PALLD: variants seen among roughly 807,000 people sequenced by gnomAD.
The protein encoded by PALLD is palladin, cytoskeletal associated protein, also known as palladin.
PALLD carries 61 observed loss-of-function variants against 123.5 expected under a neutral mutation model. The ratio of observed to expected loss-of-function variants is 0.49; its 90% confidence interval spans 0.40 to 0.61. The LOEUF (loss-of-function observed/expected upper bound fraction) is 0.61, where lower values mean the gene tolerates loss of function less well. Among genes scored for constraint, PALLD ranks in the 20% least tolerant of loss-of-function variants. The pLI is 0.00. For synonymous variants in PALLD, 465 were observed against 496.4 expected, an observed-to-expected ratio of 0.94 and a Z score of 0.84; for missense variants, 1,273 against 1,377.0, an observed-to-expected ratio of 0.92 and a Z score of 1.20.
intron 10 of PALLD, among the ~76,000 whole-genome samples, chr4:168,830,013 C>T (rs936882897): frequency 6.6e-6 from 1 of 152,130 alleles, no homozygotes; most frequent in African/African-American, 2.4e-5. Context: ...AGGCGGATCA[C>T]TTGAGGTCAG....
At chr4:168,768,833 C>G (rs1734029605) in intron 10 of PALLD, among the ~76,000 whole-genome samples, 1 of 151,256 alleles carries the variant, frequency 6.6e-6, no homozygotes, top group Non-Finnish European at 1.5e-5. Context: ...CCACCATGCC[C>G]AGCTAATTTT....
chr4:168,657,744 CT>C (rs1343272573), intron 2 of PALLD, among the ~76,000 whole-genome samples: 25 of 152,162 alleles, frequency 1.6e-4, no homozygotes, highest in African/African-American at 2.2e-4. Context: ...TCCACCTTCC[CT>C]TTTCTTTGCC....
At chr4:168,861,109 C>A (rs1481059324) in intron 10 of PALLD, among the ~76,000 whole-genome samples, 1 of 152,038 alleles carries the variant, frequency 6.6e-6, no homozygotes, top group African/African-American at 2.4e-5. Flanking sequence ...TTGTTTTAGC[C>A]AAGGCAAACG....
chr4:168,684,065 A>AT (rs1781798298), intron 5 of PALLD, among the ~76,000 whole-genome samples: 1 of 152,142 alleles, frequency 6.6e-6, no homozygotes, highest in Non-Finnish European at 1.5e-5. Flanking sequence ...ATCAGTGGGC[A>AT]TTTTTTGGTA....
intron 7 of PALLD, among the ~76,000 whole-genome samples, 192 bp downstream of exon 7, chr4:168,690,936 A>G (rs906244226): frequency 6.6e-6 from 1 of 152,210 alleles, no homozygotes; most frequent in Admixed American, 6.5e-5. Flanking sequence ...TGAAAGTCAT[A>G]TATTCTTTCG....
chr4:168,520,069 G>C (rs563987427), intron 2 of PALLD, among the ~76,000 whole-genome samples: 2 of 152,030 alleles, frequency 1.3e-5, no homozygotes, highest in East Asian at 1.9e-4. Flanking sequence ...GCTCATGCCT[G>C]TAATCCCAGC....
chr4:168,534,980 T>C (rs1471190456), intron 2 of PALLD, among the ~76,000 whole-genome samples: 1 of 152,242 alleles, frequency 6.6e-6, no homozygotes, highest in Non-Finnish European at 1.5e-5. Flanking sequence ...ATGGTGTCTG[T>C]ACTGAACATT....
intron 10 of PALLD, among the ~76,000 whole-genome samples, chr4:168,748,467 G>A (rs1486877597): frequency 3.3e-5 from 5 of 152,326 alleles, no homozygotes; most frequent in African/African-American, 1.2e-4. Context: ...TAAAAGCTTA[G>A]TTGACTTCTA....
In PALLD at chr4:168,869,495, G is replaced by A. The variant is rs1023326215; in HGVS notation, c.1965-21427G>A. Among the ~76,000 whole-genome samples, 2 of 152,066 alleles carry A rather than the reference G, an allele frequency of 1.3e-5. No individual in the cohort carries two copies. The highest frequency in any genetic ancestry group is 1.3e-4 in the Admixed American group (2 of 15,254). ...ACAGTGGATGGAGAGAAGTTGGTGG[G>A]GGTGGCCCTCCAAAAGAGAGCAGTG... On this transcript the variant is annotated intron_variant, in intron 10 of 21. Transcript: ENST00000505667. This position sits in a 1 kb window ranked among gnomAD's most constrained non-coding sequence, Gnocchi z 4.5.
At chr4:168,659,048 A>G (rs1412353495) in intron 2 of PALLD, among the ~76,000 whole-genome samples, 1 of 152,230 alleles carries the variant, frequency 6.6e-6, no homozygotes, top group Non-Finnish European at 1.5e-5. Context: ...GGTTAATGTG[A>G]ACACATGTAA....
chr4:168,864,964 A>AT (rs1750052277), intron 10 of PALLD, among the ~76,000 whole-genome samples: 2 of 152,030 alleles, frequency 1.3e-5, no homozygotes, highest in Non-Finnish European at 2.9e-5. Context: ...AATTTCTCTC[A>AT]TTTTTTCCTT....
At chr4:168,690,357 C>G (rs1413743185) in intron 6 of PALLD, among the ~76,000 whole-genome samples, 1 of 152,132 alleles carries the variant, frequency 6.6e-6, no homozygotes, top group Non-Finnish European at 1.5e-5. Context: ...GGCCAGAAAG[C>G]TCTACAGGAC....
chr4:168,646,894 A>T (rs3109801), intron 2 of PALLD, among the ~76,000 whole-genome samples: 37,698 of 152,122 alleles, frequency 0.25, 5,220 homozygotes, highest in African/African-American at 0.36. Flanking sequence ...AAAATACTCA[A>T]GGCCTTTCTA....
intron 14 of PALLD, among the ~76,000 whole-genome samples, chr4:168,901,944 A>C (rs2151292424): frequency 6.6e-6 from 1 of 152,358 alleles, no homozygotes; most frequent in African/African-American, 2.4e-5. Flanking sequence ...CAAAGTTATT[A>C]GTCTAGTTGG....
intron 10 of PALLD, among the ~76,000 whole-genome samples, chr4:168,882,240 C>T (rs1053302697): frequency 5.2e-4 from 79 of 152,248 alleles, no homozygotes; most frequent in African/African-American, 1.8e-3. Context: ...TCATAGGAAA[C>T]GGGTAGGTGG....
chr4:168,667,726 A>C (rs2150010765), intron 2 of PALLD, among the ~76,000 whole-genome samples: 1 of 152,346 alleles, frequency 6.6e-6, no homozygotes, highest in South Asian at 2.1e-4. Flanking sequence ...CAGAAGTCTT[A>C]AGGTCAACAA....
intron 10 of PALLD, among the ~76,000 whole-genome samples, chr4:168,786,020 A>G (rs1736700653): frequency 6.6e-6 from 1 of 151,706 alleles, no homozygotes; most frequent in Non-Finnish European, 1.5e-5. Context: ...AAATGATTCA[A>G]ATAGTATGAT....
At chr4:168,567,513 A>G (rs1370295842) in intron 2 of PALLD, among the ~76,000 whole-genome samples, 1 of 150,762 alleles carries the variant, frequency 6.6e-6, no homozygotes, top group Non-Finnish European at 1.5e-5. Context: ...TCCAATGTCC[A>G]TCAATGGTTG....
chr4:168,566,467 T>A (rs1263862465), intron 2 of PALLD, among the ~76,000 whole-genome samples: 1 of 151,982 alleles, frequency 6.6e-6, no homozygotes, highest in Non-Finnish European at 1.5e-5. Flanking sequence ...CCGGCTAATT[T>A]TTTATATTTT....
Sources: allele counts gnomAD v4.1 joint callset (sites outside exome capture counted in the v4.1 genomes callset), GRCh38; gene constraint gnomAD v4.1.1; non-coding constraint Gnocchi (gnomAD v3.1); transcripts MANE v1.5; gene names NCBI Gene and HGNC (gene_info 2026-07-23, HGNC 2026-07-21).